The following FAM153A variants were observed in gnomAD, a reference collection of about 807,000 sequenced individuals.
FAM153A encodes family with sequence similarity 153 member A, also known as protein FAM153A.
A neutral mutation model predicts 48.1 loss-of-function variants in FAM153A; 12 were observed. That is an observed-to-expected ratio of 0.25 (90% CI 0.16 to 0.40). FAM153A has a LOEUF of 0.40. Ranked by LOEUF, FAM153A falls within the 10% of genes least tolerant of loss-of-function variation. FAM153A has a pLI of 1.00. For synonymous variants in FAM153A, 36 were observed against 118.2 expected (o/e 0.30, Z 4.51); for missense variants, 111 against 345.8 (o/e 0.32, Z 5.38).
chr5:177,763,518 CAATG>C lies in FAM153A; in HGVS notation c.-56-14823_-56-14820del, dbSNP rs1270825274. 2 of 142,020 alleles carry C rather than the reference CAATG, an allele frequency of 1.4e-5. No individual in the cohort carries two copies. The highest frequency in any genetic ancestry group is 2.6e-5 in the African/African-American group (1 of 38,364). 8.8% of individuals were successfully genotyped at this position (142,020 alleles called of 1,614,324 possible). A position where few individuals can be genotyped will look rare whatever the true frequency, so the allele number is the denominator to read the frequency against. On this transcript the variant is annotated intron_variant, in intron 1 of 8. Transcript: ENST00000393518. ...CAGCTGGGAAGCCCTGGGCTGGAAA[CAATG>C]AAGACAGCTATGAACAGGTGGCCTG... is the stretch of plus-strand genomic sequence containing the variant.
chr5:177,781,426 A>C, upstream of FAM153A, among the ~76,000 whole-genome samples: 1 of 125,684 alleles, frequency 8.0e-6, no homozygotes, highest in Non-Finnish European at 1.7e-5. Context: ...CAGCCCTAAA[A>C]TTTTTACAAA....
chr5:177,698,574 T>TA, the FAM153A span, among the ~76,000 whole-genome samples: 2 of 152,052 alleles, frequency 1.3e-5, no homozygotes, highest in African/African-American at 4.8e-5. Context: ...AGCTTTTTTT[T>TA]ATCGTAAGTT....
chr5:177,757,012 C>T (rs1767799628), upstream of FAM153A, among the ~76,000 whole-genome samples: 2 of 109,920 alleles, frequency 1.8e-5, 1 homozygote, highest in Non-Finnish European at 4.0e-5. Flanking sequence ...GAAACAGAGA[C>T]ACAAAAAGCC....
intron 10 of FAM153A, among the ~76,000 whole-genome samples, chr5:177,738,341 C>A (rs1330116925): frequency 6.6e-6 from 1 of 151,354 alleles, no homozygotes; most frequent in Admixed American, 6.6e-5. Flanking sequence ...CAGCCAAAAG[C>A]CTGACCTCGC....
intron 25 of FAM153A, among the ~76,000 whole-genome samples, chr5:177,715,221 A>G: frequency 6.6e-6 from 1 of 151,754 alleles, no homozygotes; most frequent in Non-Finnish European, 1.5e-5. Context: ...TGACCTTGTG[A>G]TCCGTCTGCC....
rs1398051009 is a variant in FAM153A, at chr5:177,725,559, G to T, written c.965-738C>A. Among the ~76,000 whole-genome samples the T allele has an allele frequency of 2.0e-5, 3 of 151,758 alleles. 1 individual carries two copies. The highest frequency in any genetic ancestry group is 7.3e-5 in the African/African-American group (3 of 40,988). On this transcript the variant is annotated intron_variant, in intron 18 of 20. Coordinates refer to ENST00000614127, the Ensembl canonical transcript of FAM153A. Reference sequence around the variant, plus strand: ...AGTGAGGCCAGCAGTTGCCAGCACAGAAATGAGGGGACCCTCCCAGGGTTT... The same window carrying T: ...AGTGAGGCCAGCAGTTGCCAGCACATAAATGAGGGGACCCTCCCAGGGTTT...
At chr5:177,771,585 C>T (rs1387179899) in intron 1 of FAM153A, among the ~76,000 whole-genome samples, 2 of 95,558 alleles carry the variant, frequency 2.1e-5, no homozygotes, top group East Asian at 6.4e-4. Flanking sequence ...CTGCCGTCCT[C>T]AGAAAGACCC....
intron 6 of FAM153A, among the ~76,000 whole-genome samples, chr5:177,743,202 T>G (rs1231355664): frequency 2.8e-5 from 1 of 35,202 alleles, no homozygotes; most frequent in African/African-American, 1.3e-4. Flanking sequence ...TTTTTTTTTG[T>G]TTTGTTTTTT....
chr5:177,738,272 A>G (rs1197749291), intron 10 of FAM153A, among the ~76,000 whole-genome samples: 1 of 151,388 alleles, frequency 6.6e-6, no homozygotes, highest in Non-Finnish European at 1.5e-5. Context: ...TAAATACAAT[A>G]TAACACGCCT....
At chr5:177,711,639 G>A (rs1331945803) in exon 27 of FAM153A, 1 of 151,886 alleles carries the variant, frequency 6.6e-6, no homozygotes, top group Non-Finnish European at 1.5e-5. Flanking sequence ...TTTAAATTAT[G>A]CCAAAAGAAG....
upstream of FAM153A, among the ~76,000 whole-genome samples, chr5:177,755,442 C>T (rs577015568): frequency 1.6e-4 from 25 of 151,862 alleles, no homozygotes; most frequent in East Asian, 4.4e-3. Flanking sequence ...CTTCCCCAAT[C>T]GAGCAAGGCA....
At position 177,730,193 on chromosome 5, in the gene FAM153A, G is replaced by A. The variant is rs1205781620; in HGVS notation, c.863-638C>T. 1.8e-5 allele frequency among the ~76,000 whole-genome samples: 2 copies of A among 111,744 alleles called. 1 individual carries two copies. The highest frequency in any genetic ancestry group is 4.0e-5 in the Non-Finnish European group (2 of 50,136). The allele number at this position is 111,744 out of a possible 152,430, so 73.3% of individuals were successfully genotyped here. Reference sequence around the variant, plus strand: ...GTTCACTGCTCCTCATGCTCACACTGACTCCAGCACTGGGACAGCCTGTCA... The same window carrying A: ...GTTCACTGCTCCTCATGCTCACACTAACTCCAGCACTGGGACAGCCTGTCA... On this transcript the variant is annotated intron_variant, in intron 16 of 20. Transcript: ENST00000614127.
In FAM153A at chr5:177,769,312, A is replaced by AT. The variant is rs1340171459; in HGVS notation, c.-57+11136dup. Among the ~76,000 whole-genome samples the AT allele has an allele frequency of 4.2e-5, 4 of 95,256 alleles. 1 individual carries two copies. Among genetic ancestry groups the AT allele is most frequent in the Non-Finnish European group, 8.6e-5 (4 of 46,570 alleles). The allele number at this position is 95,256 out of a possible 152,430, so 62.5% of individuals were successfully genotyped here. A position where few individuals can be genotyped will look rare whatever the true frequency, so the allele number is the denominator to read the frequency against. On this transcript the variant is annotated intron_variant, in intron 1 of 8. Transcript: ENST00000393518. ...TTCAAGTAACTTTTATTACAGTATA[A>AT]TTTTTTATTTTATTGTTCATTTCTT...
chr5:177,768,218 G>T (rs1768856325), intron 1 of FAM153A, among the ~76,000 whole-genome samples: 1 of 142,132 alleles, frequency 7.0e-6, no homozygotes, highest in Non-Finnish European at 1.5e-5. Context: ...GTATGGGGGA[G>T]GTGGCACAGA....
At chr5:177,714,037 G>GT (rs1759076565) in intron 25 of FAM153A, 1 of 151,828 alleles carries the variant, frequency 6.6e-6, no homozygotes, top group African/African-American at 2.4e-5. Flanking sequence ...GTATTTTACT[G>GT]TATGTTCATA....
chr5:177,761,393 C>A (rs1198813993), intron 1 of FAM153A, among the ~76,000 whole-genome samples: 1 of 151,888 alleles, frequency 6.6e-6, no homozygotes, highest in Non-Finnish European at 1.5e-5. Flanking sequence ...TGAGGGTCAC[C>A]AGGCCCCCTC....
exon 27 of FAM153A, chr5:177,712,751 G>A (rs1393010490): frequency 2.0e-5 from 3 of 151,912 alleles, no homozygotes; most frequent in African/African-American, 7.3e-5. Flanking sequence ...AGCAGCTCCT[G>A]TGTCGTGGTG....
At chr5:177,717,671 C>T (rs1760162286), downstream of FAM153A, among the ~76,000 whole-genome samples, 1 of 138,036 alleles carries the variant, frequency 7.2e-6, no homozygotes, top group Non-Finnish European at 1.5e-5. Flanking sequence ...GCAAACATCT[C>T]CTGGTGTGAG....
At chr5:177,734,976 C>T (rs1172925237) in intron 12 of FAM153A, 43 bp from the exon 15 acceptor site, 6 of 1,389,940 alleles carry the variant, frequency 4.3e-6, no homozygotes, top group Middle Eastern at 2.0e-4. Context: ...GGTGGTGGTG[C>T]TCATGAACAA....
Sources: gnomAD v4.1 joint callset for allele counts (sites outside exome capture counted in the v4.1 genomes callset) on GRCh38, gnomAD v4.1.1 for gene constraint, MANE v1.5 for transcripts, NCBI Gene and HGNC (gene_info 2026-07-23, HGNC 2026-07-21) for gene names.